CACNA2D4: variants seen among roughly 807,000 people sequenced by gnomAD.
The protein encoded by CACNA2D4 is voltage-dependent calcium channel subunit alpha-2/delta-4.
CACNA2D4 carries 157 observed loss-of-function variants against 163.8 expected under a neutral mutation model. The ratio of observed to expected loss-of-function variants is 0.96; its 90% CI spans 0.84 to 1.09. CACNA2D4 has a LOEUF of 1.09. Ranked by LOEUF, CACNA2D4 falls within the 50% of genes least tolerant of loss-of-function variation. The probability of loss-of-function intolerance (pLI) is 0.00; values close to 1 mark genes in which losing one functional copy is unlikely to be tolerated. For synonymous variants in CACNA2D4, 598 were observed against 586.9 expected, an observed-to-expected ratio of 1.02 and a Z score of -0.27; for missense variants, 1,410 against 1,479.9, an observed-to-expected ratio of 0.95 and a Z score of 0.78.
chr12:1,908,835 C>T (rs964329689), intron 4 of CACNA2D4, among the ~76,000 whole-genome samples: 1 of 134,474 alleles, frequency 7.4e-6, no homozygotes, highest in South Asian at 2.7e-4. Flanking sequence ...CCAACTCCCA[C>T]GCCGGACTGC....
chr12:1,818,596 A>C (rs1415608004), intron 26 of CACNA2D4, among the ~76,000 whole-genome samples: 1 of 151,068 alleles, frequency 6.6e-6, no homozygotes, highest in Non-Finnish European at 1.5e-5. Flanking sequence ...AGTCATCACC[A>C]CTCCCTAATC....
At position 1,907,435 on chromosome 12, in the gene CACNA2D4, C is replaced by G. The variant is rs775041134; in HGVS notation, c.781+5G>C. On this transcript the variant is annotated splice_donor_5th_base_variant and intron_variant, in intron 6 of 37. Coordinates refer to ENST00000382722, the MANE Select transcript of CACNA2D4 (RefSeq NM_172364.5). ...GGTCGGGGAGATGCAACTCCATGTC[C>G]TTACCTGGATAGATCCTGAAGAATC... 6 of 1,612,930 alleles carry G rather than the reference C, an allele frequency of 3.7e-6. No individual in the cohort carries two copies. Among genetic ancestry groups the G allele is most frequent in the Non-Finnish European group, 5.1e-6 (6 of 1,179,132 alleles).
intron 6 of CACNA2D4, among the ~76,000 whole-genome samples, chr12:1,896,639 AC>A (rs57424146): frequency 0.069 from 9,024 of 130,412 alleles, 422 homozygotes; most frequent in Middle Eastern, 0.098. Flanking sequence ...ACACACACAC[AC>A]ACACACACAC....
chr12:1,853,817 C>A (rs1325350633), intron 23 of CACNA2D4, 134 bp downstream of exon 23: 1 of 642,946 alleles, frequency 1.6e-6, no homozygotes, highest in African/African-American at 1.8e-5. Flanking sequence ...CCCAGGGGGA[C>A]CTCCACTTAA....
At chr12:1,887,401 A>G (rs959555620) in intron 6 of CACNA2D4, among the ~76,000 whole-genome samples, 3 of 152,202 alleles carry the variant, frequency 2.0e-5, no homozygotes, top group Admixed American at 1.3e-4. Context: ...ATCCATTACC[A>G]TCCAGCAAAG....
At chr12:1,811,844 G>A (rs1863723134) in intron 26 of CACNA2D4, 121 bp from the exon 27 acceptor site, 1 of 959,712 alleles carries the variant, frequency 1.0e-6, no homozygotes, top group Non-Finnish European at 1.6e-6. Flanking sequence ...CAGCGGATGG[G>A]AGGACTGAGT....
In CACNA2D4 at chr12:1,853,934, T is replaced by G; in HGVS notation, c.2246+17A>C. 5 of 1,605,470 alleles carry G rather than the reference T, an allele frequency of 3.1e-6. No individual in the cohort carries two copies. The highest frequency in any genetic ancestry group is 4.3e-6 in the Non-Finnish European group (5 of 1,173,494). Reference sequence around the variant, plus strand: ...GGGGGCTGGTTGGGGCCTGGGAACCTGGGAACCTGGACCTACTCGGACATG... The same window carrying G: ...GGGGGCTGGTTGGGGCCTGGGAACCGGGGAACCTGGACCTACTCGGACATG... On this transcript the variant is annotated intron_variant, in intron 23 of 37. Coordinates refer to ENST00000382722, the MANE Select transcript of CACNA2D4 (RefSeq NM_172364.5).
Position 1,878,491 on chromosome 12 carries a change from C to T in CACNA2D4, c.1645-102G>A, listed in dbSNP as rs1865927438. On this transcript the variant is annotated intron_variant, in intron 15 of 37. Coordinates refer to ENST00000382722, the MANE Select transcript of CACNA2D4 (RefSeq NM_172364.5). This position sits in a 1 kb window ranked among gnomAD's most constrained non-coding sequence, Gnocchi z 4.6. ...GCCACAGGACGGTCAAAGATGGCAG[C>T]TCACAGCAGTGAGTGTTTTCAATAG... The T allele has an allele frequency of 5.8e-6, 9 of 1,546,834 alleles. No homozygotes were observed. The highest frequency in any genetic ancestry group is 7.9e-6 in the Non-Finnish European group (9 of 1,146,298).
chr12:1,793,732 A>G lies in CACNA2D4; in HGVS notation c.3337T>C (p.Ser1113Pro). ...EENAQDCGGA[S>P]DTSASPPLLL... ...AGGGGCGGCGAGGCTGAGGTGTCCGAGGCGCCGCCGCAGTCCTGGGCATTC... is the reference window on the plus strand; with the variant it reads ...AGGGGCGGCGAGGCTGAGGTGTCCGGGGCGCCGCCGCAGTCCTGGGCATTC... Residue 1113 changes from serine to proline, a missense_variant, in exon 38 of 38, where the codon TCG becomes CCG. Coordinates refer to ENST00000382722, the MANE Select transcript of CACNA2D4 (RefSeq NM_172364.5). The G allele has an allele frequency of 6.2e-7, 1 of 1,613,212 alleles. No individual in the cohort carries two copies. The highest frequency in any genetic ancestry group is 1.1e-5 in the South Asian group (1 of 91,068).
In CACNA2D4 at chr12:1,918,239, A is replaced by C; in HGVS notation, c.227+8T>G. The C allele has an allele frequency of 6.3e-7, 1 of 1,594,010 alleles. No homozygotes were observed. The highest frequency in any genetic ancestry group is 1.1e-5 in the South Asian group (1 of 88,724). The stretch of plus-strand genomic sequence containing the variant: ...GGTTTTTGGGGTGGGGTTGAACGTG[A>C]TGCTTACGTTTCCAGAGGAATCTTG... On this transcript the variant is annotated splice_region_variant and intron_variant, in intron 1 of 37. Transcript: ENST00000382722.
intron 26 of CACNA2D4, among the ~76,000 whole-genome samples, chr12:1,832,842 TA>T (rs1565697526): frequency 1.3e-5 from 2 of 152,234 alleles, no homozygotes; most frequent in Non-Finnish European, 2.9e-5. Flanking sequence ...CATAAGTAAT[TA>T]AATAAATTAA....
At position 1,834,811 on chromosome 12, in the gene CACNA2D4, A is replaced by G; in HGVS notation, c.2551+5928T>C. 1 of 1,458,648 alleles carries G rather than the reference A, an allele frequency of 6.9e-7. No individual in the cohort carries two copies. Among genetic ancestry groups the G allele is most frequent in the Non-Finnish European group, 9.0e-7 (1 of 1,109,008 alleles). The allele number at this position is 1,458,648 out of a possible 1,614,324, so 90.4% of individuals were successfully genotyped here. ...CTCCCACCTTGACCCGGCGCTGGCCACTGCCTCCCCGAGTCCACCCTCCTC... is the reference window on the plus strand; with the variant it reads ...CTCCCACCTTGACCCGGCGCTGGCCGCTGCCTCCCCGAGTCCACCCTCCTC... On this transcript the variant is annotated intron_variant, in intron 26 of 37. Transcript: ENST00000382722. The surrounding 1 kb of genome is among the most constrained non-coding windows in gnomAD (Gnocchi z 7.6).
chr12:1,809,340 T>A, intron 29 of CACNA2D4: 1 of 590,118 alleles, frequency 1.7e-6, no homozygotes, highest in South Asian at 2.1e-5. Context: ...GCTTAGACAC[T>A]GTGTAGTCCA....
At chr12:1,811,307 G>A (rs1863700296) in intron 27 of CACNA2D4, among the ~76,000 whole-genome samples, 1 of 152,228 alleles carries the variant, frequency 6.6e-6, no homozygotes, top group Admixed American at 6.5e-5. Flanking sequence ...TTCTCAGCCA[G>A]AAGCCGCTGT....
In CACNA2D4 at chr12:1,801,136, G is replaced by A. The variant is rs768510546; in HGVS notation, c.2793-18C>T. ...TAGTCACTCTGAAAATCAGAAGCGG[G>A]CTGTGATGAGTCCAAAGCCACCCCC... On this transcript the variant is annotated intron_variant, in intron 30 of 37. Transcript: ENST00000382722. The A allele has an allele frequency of 6.2e-7, 1 of 1,611,214 alleles. No individual in the cohort carries two copies. Among genetic ancestry groups the A allele is most frequent in the African/African-American group, 1.3e-5 (1 of 74,866 alleles).
intron 26 of CACNA2D4, among the ~76,000 whole-genome samples, chr12:1,816,549 G>C (rs1863878560): frequency 1.3e-5 from 2 of 152,192 alleles, no homozygotes; most frequent in East Asian, 3.9e-4. Context: ...TCTCCACATT[G>C]ATCTCGTGCC....
intron 8 of CACNA2D4, 80 bp from the exon 9 acceptor site, chr12:1,886,119 C>A (rs1306242710): frequency 6.5e-7 from 1 of 1,536,194 alleles, no homozygotes; most frequent in Admixed American, 1.7e-5. Flanking sequence ...AGCAAAGACA[C>A]TCATGCAGGT....
intron 26 of CACNA2D4, chr12:1,831,124 G>T (rs1186725182): frequency 6.2e-7 from 1 of 1,613,972 alleles, no homozygotes; most frequent in South Asian, 1.1e-5. Flanking sequence ...CTGCCAAGCT[G>T]GGCTTTCGCC....
chr12:1,801,704 T>C lies in CACNA2D4; in HGVS notation c.2722-60A>G, dbSNP rs575639373. The C allele has an allele frequency of 1.1e-3, 1,317 of 1,203,892 alleles. 3 individuals carry two copies. The highest frequency in any genetic ancestry group is 2.0e-3 in the South Asian group (142 of 71,190). The allele number at this position is 1,203,892 out of a possible 1,614,324, so 74.6% of individuals were successfully genotyped here. A position where few individuals can be genotyped will look rare whatever the true frequency, so the allele number is the denominator to read the frequency against. ...AGAGAGATGGAGCAGGATGGAGCCT[T>C]CCGAGTCCAGCACTATTTATTCAGC... On this transcript the variant is annotated intron_variant, in intron 29 of 37. Coordinates refer to ENST00000382722, the MANE Select transcript of CACNA2D4 (RefSeq NM_172364.5).
Sources: gnomAD v4.1 joint callset for allele counts (sites outside exome capture counted in the v4.1 genomes callset) on GRCh38, gnomAD v4.1.1 for gene constraint, Gnocchi (gnomAD v3.1) non-coding constraint, MANE v1.5 for transcripts, NCBI Gene and HGNC (gene_info 2026-07-23, HGNC 2026-07-21) for gene names.